Variants in GCGR observed in about 807,000 individuals in gnomAD.
GCGR encodes the protein glucagon receptor.
Under a neutral mutation model 56.1 loss-of-function variants are expected in GCGR, and 41 were observed. The observed-to-expected ratio is 0.73, with a 90% confidence interval of 0.57 to 0.95. The LOEUF is 0.95. GCGR is among the 40% of genes least tolerant of loss of function. GCGR has a pLI of 0.00. For synonymous variants in GCGR, 278 were observed against 271.1 expected, an observed-to-expected ratio of 1.03 and a Z score of -0.25; for missense variants, 595 against 638.2, an observed-to-expected ratio of 0.93 and a Z score of 0.73.
rs1038667513 is a variant in GCGR at position 81,812,240 on chromosome 17, C to T, written c.936C>T (p.Phe312=). 5 of 1,535,604 alleles carry T rather than the reference C, an allele frequency of 3.3e-6. No individual in the cohort carries two copies. Among genetic ancestry groups the T allele is most frequent in the Non-Finnish European group, 4.4e-6 (5 of 1,146,782 alleles). ...GFWWILRFPV[F]LAILINFFIF... ...GGTGGATCCTGCGGTTCCCCGTCTT[C>T]CTGGCCATCCTGGTGAGGAAATGAA... The change falls in exon 10 of 14, where the codon TTC becomes TTT. Residue 312 remains phenylalanine, a synonymous_variant. Transcript: ENST00000400723. This position sits in a 1 kb window ranked among gnomAD's most constrained non-coding sequence, Gnocchi z 8.5.
chr17:81,813,694 T>A lies in GCGR; in HGVS notation c.*5T>A. On this transcript the variant is annotated 3_prime_UTR_variant, in exon 14 of 14. Transcript: ENST00000400723. This position sits in a 1 kb window ranked among gnomAD's most constrained non-coding sequence, Gnocchi z 5.3. ...TTGGCTGAGAGCCCCTTCTGAACCCTGCTGGGACCCCAGCTAGGGCTGGAC... is the reference window on the plus strand; with the variant it reads ...TTGGCTGAGAGCCCCTTCTGAACCCAGCTGGGACCCCAGCTAGGGCTGGAC... 1 of 1,533,766 alleles carries A rather than the reference T, an allele frequency of 6.5e-7. No individual in the cohort carries two copies.
Position 81,810,023 on chromosome 17 carries a change from C to G in GCGR, c.163+139C>G, listed in dbSNP as rs574040622. On this transcript the variant is annotated intron_variant, in intron 3 of 13. Coordinates refer to ENST00000400723, the MANE Select transcript of GCGR (RefSeq NM_000160.5). The surrounding 1 kb of genome is among the most constrained non-coding windows in gnomAD (Gnocchi z 4.6). Reference sequence around the variant, plus strand: ...GCCCTGTCATTCCTCAGGCCCCCACCACCGTGGGCAGGTGAGGTAACGAGG... The same window carrying G: ...GCCCTGTCATTCCTCAGGCCCCCACGACCGTGGGCAGGTGAGGTAACGAGG... 4.3e-5 allele frequency: 31 copies of G among 721,946 alleles called. No homozygotes were observed. The highest frequency in any genetic ancestry group is 1.0e-4 in the Admixed American group (5 of 49,848). The allele number at this position is 721,946 out of a possible 1,614,324, so 44.7% of individuals were successfully genotyped here.
At position 81,811,285 on chromosome 17, in the gene GCGR, C is replaced by G; in HGVS notation, c.457C>G (p.Leu153Val). 1 of 1,536,018 alleles carries G rather than the reference C, an allele frequency of 6.5e-7. No homozygotes were observed. Among genetic ancestry groups the G allele is most frequent in the Non-Finnish European group, 8.7e-7 (1 of 1,146,600 alleles). Residue 153 changes from leucine (L) to valine (V), a missense_variant, in exon 6 of 14, where the codon CTG becomes GTG. Coordinates refer to ENST00000400723, the MANE Select transcript of GCGR (RefSeq NM_000160.5). The surrounding 1 kb of genome is among the most constrained non-coding windows in gnomAD (Gnocchi z 5.8). ...GTACACAGTGGGCTACAGCCTGTCC[C>G]TGGGGGCCCTGCTCCTCGCCTTGGC... ...VMYTVGYSLS[L>V]GALLLALAIL...
In GCGR at chr17:81,810,806, G is replaced by A. The variant is rs1568251826; in HGVS notation, c.164-19G>A. The A allele has an allele frequency of 2.6e-6, 4 of 1,534,606 alleles. No individual in the cohort carries two copies. The East Asian group carries it at 9.8e-5, about 38-fold the overall frequency. ...ACCCTGCCCTGCCCTGCTCTGCCCT[G>A]CCCTACCCTACCCTGCAGAGCTGGT... On this transcript the variant is annotated intron_variant, in intron 3 of 13. Coordinates refer to ENST00000400723, the MANE Select transcript of GCGR (RefSeq NM_000160.5). The surrounding 1 kb of genome is among the most constrained non-coding windows in gnomAD (Gnocchi z 4.6).
In GCGR at chr17:81,811,923, C is replaced by T. The variant is rs1255753376; in HGVS notation, c.855C>T (p.Val285=). The T allele has an allele frequency of 1.2e-5, 19 of 1,536,926 alleles. No individual in the cohort carries two copies. In the South Asian group the frequency reaches 2.1e-4, roughly 17 times the overall value. The change falls in exon 9 of 14, where the codon GTC becomes GTT. Residue 285 remains valine (V), a synonymous_variant. Coordinates refer to ENST00000400723, the MANE Select transcript of GCGR (RefSeq NM_000160.5). The surrounding 1 kb of genome is among the most constrained non-coding windows in gnomAD (Gnocchi z 5.8). ...PMLFVVPWAV[V]KCLFENVQCW... Reference sequence around the variant, plus strand: ...TGTTCGTCGTCCCCTGGGCAGTGGTCAAGTGTCTGTTCGAGAACGTCCAGT... The same window carrying T: ...TGTTCGTCGTCCCCTGGGCAGTGGTTAAGTGTCTGTTCGAGAACGTCCAGT...
Position 81,809,808 on chromosome 17 carries a change from G to C in GCGR, c.87G>C (p.Met29Ile). 6.5e-7 allele frequency: 1 copy of C among 1,536,670 alleles called. No homozygotes were observed. Among genetic ancestry groups the C allele is most frequent in the Admixed American group, 2.0e-5 (1 of 51,000 alleles). ...CQPQVPSAQV[M>I]DFLFEKWKLY... The stretch of plus-strand genomic sequence containing the variant: ...CACAGGTCCCCTCCGCTCAGGTGAT[G>C]GACTTCCTGTTTGAGAAGTGGAAGC... The change falls in exon 3 of 14, where the codon ATG becomes ATC. Residue 29 changes from methionine (M) to isoleucine (I), a missense_variant. Transcript: ENST00000400723.
Position 81,811,715 on chromosome 17 carries a change from G to GGCT in GCGR, c.727_729dup (p.Leu243dup). The GGCT allele has an allele frequency of 6.5e-7, 1 of 1,544,018 alleles. No individual in the cohort carries two copies. The highest frequency in any genetic ancestry group is 1.2e-5 in the South Asian group (1 of 84,454). ...TATGGCATCGTGGCCAACTACTGCT[G>GGCT]GCTGCTGGTGGAGGGCCTGTACCTG... is the stretch of plus-strand genomic sequence containing the variant. On this transcript the variant is annotated inframe_insertion, in exon 8 of 14. Coordinates refer to ENST00000400723, the MANE Select transcript of GCGR (RefSeq NM_000160.5). This position sits in a 1 kb window ranked among gnomAD's most constrained non-coding sequence, Gnocchi z 5.8.
chr17:81,811,358 G>A lies in GCGR; in HGVS notation c.500+30G>A, dbSNP rs1267725137. On this transcript the variant is annotated intron_variant, in intron 6 of 13. Coordinates refer to ENST00000400723, the MANE Select transcript of GCGR (RefSeq NM_000160.5). The surrounding 1 kb of genome is among the most constrained non-coding windows in gnomAD (Gnocchi z 5.8). ...GATTCCGCCAGCGCCCGGGGCGGCC[G>A]CAGAGGACAGGGAGGAGGACGGGCG... 2.6e-5 allele frequency: 40 copies of A among 1,534,306 alleles called. No individual in the cohort carries two copies. The highest frequency in any genetic ancestry group is 3.3e-5 in the Non-Finnish European group (38 of 1,145,448).
In GCGR at chr17:81,806,140, G is replaced by A. The variant is rs543673449; in HGVS notation, c.-178+1891G>A. On this transcript the variant is annotated intron_variant, in intron 1 of 13. Transcript: ENST00000400723. This position sits in a 1 kb window ranked among gnomAD's most constrained non-coding sequence, Gnocchi z 6.5. ...GGCCAGGCTCTCTCATGGGTGCTCA[G>A]CTGGAAATTGGTCCCCCCCCGGCTC... 6.6e-6 allele frequency among the ~76,000 whole-genome samples: 1 copy of A among 152,200 alleles called. No individual in the cohort carries two copies. Among genetic ancestry groups the A allele is most frequent in the Non-Finnish European group, 1.5e-5 (1 of 68,004 alleles).
In GCGR at chr17:81,812,495, G is replaced by C; in HGVS notation, c.949-82G>C. The C allele has an allele frequency of 7.5e-7, 1 of 1,338,380 alleles. No homozygotes were observed. The highest frequency in any genetic ancestry group is 1.0e-6 in the Non-Finnish European group (1 of 979,760). 82.9% of individuals were successfully genotyped at this position (1,338,380 alleles called of 1,614,324 possible). A position where few individuals can be genotyped will look rare whatever the true frequency, so the allele number is the denominator to read the frequency against. ...ATCTTGCTGCCAGGCCCACCTGCAG[G>C]AGGGTCAGGTGGGGCCTTCCAAGGG... On this transcript the variant is annotated intron_variant, in intron 10 of 13. Coordinates refer to ENST00000400723, the MANE Select transcript of GCGR (RefSeq NM_000160.5). The surrounding 1 kb of genome is among the most constrained non-coding windows in gnomAD (Gnocchi z 8.5).
At chr17:81,809,142 C>CTCTG in intron 2 of GCGR, 64 bp downstream of exon 2, 4 of 1,480,228 alleles carry the variant, frequency 2.7e-6, no homozygotes, top group Admixed American at 2.1e-5. Flanking sequence ...ACTGATGGCT[C>CTCTG]TCTGTCTGCC....
In GCGR at chr17:81,811,061, G is replaced by C; in HGVS notation, c.323G>C (p.Arg108Pro). The change falls in exon 5 of 14, where the codon CGT becomes CCT. Residue 108 changes from arginine (R) to proline (P), a missense_variant. Transcript: ENST00000400723. The surrounding 1 kb of genome is among the most constrained non-coding windows in gnomAD (Gnocchi z 5.8). ...KRCGPDGQWVRGPRGQPWRDA... is the reference protein window; with the variant it reads ...KRCGPDGQWVPGPRGQPWRDA... The stretch of plus-strand genomic sequence containing the variant: ...TGCGGGCCCGACGGTCAGTGGGTGC[G>C]TGGACCCCGGGGGCAGCCTTGGCGT... 1 of 1,536,188 alleles carries C rather than the reference G, an allele frequency of 6.5e-7. No homozygotes were observed. The highest frequency in any genetic ancestry group is 8.7e-7 in the Non-Finnish European group (1 of 1,146,832).
At position 81,812,942 on chromosome 17, in the gene GCGR, C is replaced by A. The variant is rs752844034; in HGVS notation, c.1173C>A (p.Phe391Leu). Reference sequence around the variant, plus strand: ...TCTTCGACCTCTTCCTCAGCTCCTTCCAGGTGCCCGCCCGCCCGCCGGCTC... The same window carrying A: ...TCTTCGACCTCTTCCTCAGCTCCTTACAGGTGCCCGCCCGCCCGCCGGCTC... ...KLFFDLFLSSFQGLLVAVLYC... is the reference protein window; with the variant it reads ...KLFFDLFLSSLQGLLVAVLYC... Residue 391 changes from phenylalanine (F) to leucine (L), a missense_variant, in exon 12 of 14, where the codon TTC becomes TTA. Coordinates refer to ENST00000400723, the MANE Select transcript of GCGR (RefSeq NM_000160.5). This position sits in a 1 kb window ranked among gnomAD's most constrained non-coding sequence, Gnocchi z 8.5. 136 of 1,535,694 alleles carry A rather than the reference C, an allele frequency of 8.9e-5. No homozygotes were observed. Among genetic ancestry groups the A allele is most frequent in the Middle Eastern group, 5.0e-4 (3 of 6,008 alleles).
chr17:81,807,230 A>T (rs1158408400), intron 1 of GCGR, among the ~76,000 whole-genome samples: 1 of 152,158 alleles, frequency 6.6e-6, no homozygotes, highest in Non-Finnish European at 1.5e-5. Context: ...CCTTCGCCCC[A>T]GCACCAAGCC....
Position 81,813,341 on chromosome 17 carries a change from A to G in GCGR, c.1219-133A>G. 2 of 945,818 alleles carry G rather than the reference A, an allele frequency of 2.1e-6. No individual in the cohort carries two copies. The highest frequency in any genetic ancestry group is 2.6e-5 in the East Asian group (1 of 38,000). The allele number at this position is 945,818 out of a possible 1,614,324, so 58.6% of individuals were successfully genotyped here. On this transcript the variant is annotated intron_variant, in intron 13 of 13. Transcript: ENST00000400723. The surrounding 1 kb of genome is among the most constrained non-coding windows in gnomAD (Gnocchi z 5.3). The stretch of plus-strand genomic sequence containing the variant: ...GATGCTGGGTGGCATAGCTGTGCCC[A>G]GCAGGGAGCTTGTGTCGCTCTGCAC...
chr17:81,809,430 T>C (rs1424421993), intron 2 of GCGR, among the ~76,000 whole-genome samples: 162 of 138,734 alleles, frequency 1.2e-3, no homozygotes, highest in African/African-American at 4.1e-3. Flanking sequence ...TGCCTGTCCG[T>C]CTGCCTGTCC....
chr17:81,809,827 T>A lies in GCGR; in HGVS notation c.106T>A (p.Trp36Arg). 6.5e-7 allele frequency: 1 copy of A among 1,536,634 alleles called. No individual in the cohort carries two copies. Among genetic ancestry groups the A allele is most frequent in the African/African-American group, 1.4e-5 (1 of 73,148 alleles). ...AQVMDFLFEK[W>R]KLYGDQCHHN... is the part of the protein sequence containing the mutation. Reference sequence around the variant, plus strand: ...GGTGATGGACTTCCTGTTTGAGAAGTGGAAGCTCTACGGTGACCAGTGTCA... The same window carrying A: ...GGTGATGGACTTCCTGTTTGAGAAGAGGAAGCTCTACGGTGACCAGTGTCA... Residue 36 changes from tryptophan to arginine, a missense_variant, in exon 3 of 14, where the codon TGG (tryptophan) becomes AGG (arginine). Trp to Arg is a moderately radical substitution (Grantham distance 101). Transcript: ENST00000400723.
rs1256072758 is a variant in GCGR at position 81,812,592 on chromosome 17, T to C, written c.964T>C (p.Phe322Leu). The C allele has an allele frequency of 2.0e-6, 3 of 1,536,542 alleles. No homozygotes were observed. The change falls in exon 11 of 14, where the codon TTC (phenylalanine) becomes CTC (leucine). Residue 322 changes from phenylalanine to leucine, a missense_variant. Phe to Leu is a conservative substitution (Grantham distance 22). Coordinates refer to ENST00000400723, the MANE Select transcript of GCGR (RefSeq NM_000160.5). The surrounding 1 kb of genome is among the most constrained non-coding windows in gnomAD (Gnocchi z 8.5). ...TCTCACACAGATCAACTTCTTCATC[T>C]TCGTCCGCATCGTTCAGCTGCTCGT... ...FLAILINFFIFVRIVQLLVAK... is the reference protein window; with the variant it reads ...FLAILINFFILVRIVQLLVAK...
chr17:81,809,212 C>A (rs1356205005), intron 2 of GCGR, 134 bp downstream of exon 2: 3 of 1,078,112 alleles, frequency 2.8e-6, no homozygotes, highest in African/African-American at 3.1e-5. Flanking sequence ...GCCTGCCCAT[C>A]TGCCTGTCTG....
Sources: gnomAD v4.1 joint callset for allele counts (sites outside exome capture counted in the v4.1 genomes callset) on GRCh38, gnomAD v4.1.1 for gene constraint, Gnocchi (gnomAD v3.1) non-coding constraint, MANE v1.5 for transcripts, NCBI Gene and HGNC (gene_info 2026-07-23, HGNC 2026-07-21) for gene names.